The following GLYAT variants were observed in gnomAD, a reference collection of about 807,000 sequenced individuals.
The protein encoded by GLYAT is glycine N-acyltransferase.
In GLYAT, 25 loss-of-function variants were observed where a neutral mutation model predicts 22.8. That is an observed-to-expected ratio of 1.09 (90% confidence interval 0.80 to 1.53). The LOEUF (loss-of-function observed/expected upper bound fraction) is 1.53, where lower values mean the gene tolerates loss of function less well. GLYAT is among the 40% of genes most tolerant of loss of function. The pLI, the probability that GLYAT is intolerant of heterozygous loss-of-function variation, is 0.00. For synonymous variants in GLYAT, 140 were observed against 122.7 expected (o/e 1.14, Z -0.93); for missense variants, 411 against 353.9 (o/e 1.16, Z -1.29).
intron 1 of GLYAT, among the ~76,000 whole-genome samples, chr11:58,727,362 G>C (rs1392136857): frequency 6.6e-6 from 1 of 152,192 alleles, no homozygotes; most frequent in Non-Finnish European, 1.5e-5. Flanking sequence ...TGAAGTAAAA[G>C]AAGAGGCAGA....
intron 1 of GLYAT, among the ~76,000 whole-genome samples, chr11:58,727,561 CATT>C (rs1263949851): frequency 6.6e-6 from 1 of 152,090 alleles, no homozygotes; most frequent in Non-Finnish European, 1.5e-5. Context: ...TCAGGAGGGC[CATT>C]AGTTCATTAC....
At chr11:58,713,372 CAT>C (rs1185234026) in intron 3 of GLYAT, among the ~76,000 whole-genome samples, 5 of 152,050 alleles carry the variant, frequency 3.3e-5, no homozygotes, top group Admixed American at 2.0e-4. Flanking sequence ...AAATAAAAGA[CAT>C]AACCATTTAG....
intron 2 of GLYAT, among the ~76,000 whole-genome samples, chr11:58,723,103 A>G (rs1010428388): frequency 6.6e-6 from 1 of 152,078 alleles, no homozygotes; most frequent in Non-Finnish European, 1.5e-5. Flanking sequence ...TAACACAAGG[A>G]ATAAGGAGAA....
At chr11:58,714,885 A>G (rs754048251) in intron 3 of GLYAT, among the ~76,000 whole-genome samples, 1 of 152,120 alleles carries the variant, frequency 6.6e-6, no homozygotes, top group Non-Finnish European at 1.5e-5. Flanking sequence ...GACTAAAACA[A>G]TAGTCACTCT....
chr11:58,712,867 T>C lies in GLYAT; in HGVS notation c.209A>G (p.Asp70Gly), dbSNP rs746155579. 3 of 1,603,394 alleles carry C rather than the reference T, an allele frequency of 1.9e-6. No homozygotes were observed. The highest frequency in any genetic ancestry group is 2.6e-6 in the Non-Finnish European group (3 of 1,170,490). Residue 70 changes from aspartate (D) to glycine (G), a missense_variant, in exon 4 of 6, where the codon GAT becomes GGT. Asp to Gly is a moderately conservative substitution (Grantham distance 94). Coordinates refer to ENST00000344743, the MANE Select transcript of GLYAT (RefSeq NM_201648.3). ...PQEQDMTDDL[D>G]HYTNTYQIYS... ...GATTTGGTAAGTATTGGTATAGTGA[T>C]CAAGGTCATCTGTCATATCCTGTTA...
At chr11:58,718,041 G>A (rs539334710) in intron 2 of GLYAT, among the ~76,000 whole-genome samples, 8 of 151,930 alleles carry the variant, frequency 5.3e-5, no homozygotes, top group Non-Finnish European at 1.2e-4. Flanking sequence ...CAGAAATCCT[G>A]TACAGGGACT....
At chr11:58,714,947 T>C (rs1387429297) in intron 3 of GLYAT, among the ~76,000 whole-genome samples, 4 of 152,176 alleles carry the variant, frequency 2.6e-5, no homozygotes, top group Admixed American at 2.6e-4. Context: ...TGCTATTTTC[T>C]CTGCTTAGAA....
chr11:58,715,272 C>T (rs1183544946), intron 3 of GLYAT, 44 bp downstream of exon 3: 1 of 871,084 alleles, frequency 1.1e-6, no homozygotes, highest in Non-Finnish European at 1.9e-6. Context: ...AATAGGCACA[C>T]AGCTAATATA....
At chr11:58,721,490 A>G (rs1050424008) in intron 2 of GLYAT, among the ~76,000 whole-genome samples, 1 of 152,162 alleles carries the variant, frequency 6.6e-6, no homozygotes, top group South Asian at 2.1e-4. Flanking sequence ...AAACAAAAAA[A>G]CTTTTGCTCG....
In GLYAT at chr11:58,715,373, C is replaced by T. The variant is rs1856667228; in HGVS notation, c.132G>A (p.Lys44=). ...HINHGNPFNL[K]AVVDKWPDFN... ...AATCAGGCCACTTGTCCACCACAGC[C>T]TTCAGATTGAATGGATTTCCATGGT... Residue 44 remains lysine (K), a synonymous_variant, in exon 3 of 6, where the codon AAG becomes AAA. Transcript: ENST00000344743. The T allele has an allele frequency of 6.2e-7, 1 of 1,604,116 alleles. No homozygotes were observed. Among genetic ancestry groups the T allele is most frequent in the Non-Finnish European group, 8.5e-7 (1 of 1,171,334 alleles).
At chr11:58,719,663 G>A (rs1856725348) in intron 2 of GLYAT, among the ~76,000 whole-genome samples, 1 of 151,974 alleles carries the variant, frequency 6.6e-6, no homozygotes, top group South Asian at 2.1e-4. Context: ...TTTTCTACAG[G>A]GCCTGAAGAT....
chr11:58,730,327 G>A (rs993756397), intron 1 of GLYAT, among the ~76,000 whole-genome samples: 15 of 152,042 alleles, frequency 9.9e-5, no homozygotes, highest in Non-Finnish European at 7.4e-5. Context: ...ATAAAAATTA[G>A]TTGGGTATGG....
rs530784934 is a variant in GLYAT, at chr11:58,727,079, G to T, written c.-15-2568C>A. Among the ~76,000 whole-genome samples, 26 of 152,140 alleles carry T rather than the reference G, an allele frequency of 1.7e-4. No homozygotes were observed. The South Asian group carries it at 5.4e-3, about 31-fold the overall frequency. On this transcript the variant is annotated intron_variant, in intron 1 of 5. Transcript: ENST00000344743. The stretch of plus-strand genomic sequence containing the variant: ...AGGACAAACTGTTTCAAAAACCCCA[G>T]AAAAACTTGGCCCTAGGTTGTGACA...
At position 58,719,407 on chromosome 11, in the gene GLYAT, G is replaced by C. The variant is rs190632971; in HGVS notation, c.82-3984C>G. Among the ~76,000 whole-genome samples, 182 of 152,024 alleles carry C rather than the reference G, an allele frequency of 1.2e-3. 2 individuals are homozygous for C. The East Asian group carries it at 0.015, about 12-fold the overall frequency. On this transcript the variant is annotated intron_variant, in intron 2 of 5. Transcript: ENST00000344743. ...TAAGCCTCTTATAACCTTTATTAAA[G>C]AGTTGGTTAATGCTTCAAGAGAGCC...
At chr11:58,728,860 AAG>A (rs1856837834) in intron 1 of GLYAT, 1 of 90,926 alleles carries the variant, frequency 1.1e-5, no homozygotes, top group African/African-American at 4.8e-5. Flanking sequence ...AGAAGAAAGA[AAG>A]AAAGAAAGAA....
Position 58,712,766 on chromosome 11 carries a change from T to C in GLYAT, c.310A>G (p.Ile104Val). 6.2e-7 allele frequency: 1 copy of C among 1,613,214 alleles called. No homozygotes were observed. Among genetic ancestry groups the C allele is most frequent in the Non-Finnish European group, 8.5e-7 (1 of 1,179,314 alleles). ...ELINWKQHLQ[I>V]QSSQPSLNEA... ...TCCCATTCCTCTTACTTACTTTGAA[T>C]CTGTAAATGCTGTTTCCAGTTGATG... Residue 104 changes from isoleucine to valine, a missense_variant, in exon 4 of 6, where the codon ATT (isoleucine) becomes GTT (valine). Ile to Val is a conservative substitution (Grantham distance 29). Transcript: ENST00000344743.
At chr11:58,728,726 A>C (rs528977877) in intron 1 of GLYAT, 4 of 151,066 alleles carry the variant, frequency 2.6e-5, no homozygotes, top group Non-Finnish European at 5.9e-5. Flanking sequence ...AAGGACTGTC[A>C]CTGATTGAGC....
At chr11:58,725,990 C>T (rs1219165466) in intron 1 of GLYAT, among the ~76,000 whole-genome samples, 1 of 152,146 alleles carries the variant, frequency 6.6e-6, no homozygotes, top group Non-Finnish European at 1.5e-5. Context: ...GTCATTTTGC[C>T]TCTGAATGCA....
chr11:58,714,110 G>A (rs1038669059), intron 3 of GLYAT, among the ~76,000 whole-genome samples: 1 of 152,040 alleles, frequency 6.6e-6, no homozygotes, highest in Non-Finnish European at 1.5e-5. Flanking sequence ...TAAAAATGGT[G>A]AACTCATAGA....
Sources: allele counts gnomAD v4.1 joint callset (sites outside exome capture counted in the v4.1 genomes callset), GRCh38; gene constraint gnomAD v4.1.1; transcripts MANE v1.5; gene names NCBI Gene and HGNC (gene_info 2026-07-23, HGNC 2026-07-21).